COL15A1: variants seen among roughly 807,000 people sequenced by gnomAD.
COL15A1 encodes the protein collagen type XV alpha 1 chain, also known as collagen alpha-1(XV) chain.
A neutral mutation model predicts 165.9 loss-of-function variants in COL15A1; 111 were observed. The ratio of observed to expected loss-of-function variants is 0.67; its 90% CI spans 0.57 to 0.78. COL15A1 has a LOEUF of 0.78. Ranked by LOEUF, COL15A1 falls within the 30% of genes least tolerant of loss-of-function variation. The pLI is 0.00. For missense variants in COL15A1, 1,745 were observed against 1,789.7 expected (o/e 0.98, Z 0.45); for synonymous variants, 659 against 674.8 (o/e 0.98, Z 0.36).
intron 30 of COL15A1, among the ~76,000 whole-genome samples, chr9:99,051,314 G>A (rs145457922): frequency 5.9e-5 from 9 of 152,290 alleles, no homozygotes; most frequent in African/African-American, 2.2e-4. Context: ...GCCTTTGGGG[G>A]TCGTGGGGAT....
At chr9:99,025,778 C>T (rs921128696) in intron 15 of COL15A1, 126 bp from the exon 16 acceptor site, 7 of 948,850 alleles carry the variant, frequency 7.4e-6, no homozygotes, top group Non-Finnish European at 1.2e-5. Context: ...CTGCCTTGCA[C>T]CTGACATGAG....
At chr9:99,068,342 G>C (rs1281906539) in intron 40 of COL15A1, among the ~76,000 whole-genome samples, 1 of 151,956 alleles carries the variant, frequency 6.6e-6, no homozygotes, top group Non-Finnish European at 1.5e-5. Context: ...GTGCATGCCT[G>C]TAATCCCAGC....
chr9:99,045,432 G>A (rs774089522), intron 26 of COL15A1, among the ~76,000 whole-genome samples: 6 of 152,228 alleles, frequency 3.9e-5, no homozygotes, highest in Non-Finnish European at 8.8e-5. Context: ...GACTGAATTA[G>A]TACTAAATGA....
intron 28 of COL15A1, 73 bp downstream of exon 28, chr9:99,048,073 G>C: frequency 1.2e-6 from 1 of 815,352 alleles, no homozygotes; most frequent in Non-Finnish European, 2.1e-6. Flanking sequence ...CCACAGAGCA[G>C]GGCCTGTGGA....
At chr9:99,035,793 G>A (rs1839290704) in intron 19 of COL15A1, among the ~76,000 whole-genome samples, 1 of 151,966 alleles carries the variant, frequency 6.6e-6, no homozygotes, top group South Asian at 2.1e-4. Context: ...CTCCTGGCAG[G>A]TGCCCCTCCC....
intron 14 of COL15A1, among the ~76,000 whole-genome samples, chr9:99,024,269 T>TTTTTTTTG (rs1262024553): frequency 7.5e-6 from 1 of 133,544 alleles, no homozygotes; most frequent in Non-Finnish European, 1.5e-5. Context: ...CCACAAGCAG[T>TTTTTTTTG]TTTTTTTGTT....
chr9:98,987,316 TG>T lies in COL15A1; in HGVS notation c.672del (p.His225ThrfsTer31). On this transcript the variant is annotated frameshift_variant, in exon 4 of 42. Coordinates refer to ENST00000375001, the MANE Select transcript of COL15A1 (RefSeq NM_001855.5). LOFTEE classifies it high-confidence loss of function. ...RFTGSLQQLT[V>X]HPDPRTPEEL... ...CAGGGCTCCCTCCAGCAGCTCACCG[TG>T]CACCCCGACCCCAGGACTCCCGAGG... is the stretch of plus-strand genomic sequence containing the variant. The T allele has an allele frequency of 6.2e-7, 1 of 1,613,638 alleles. No individual in the cohort carries two copies. The highest frequency in any genetic ancestry group is 8.5e-7 in the Non-Finnish European group (1 of 1,179,840).
At chr9:99,040,680 A>G in intron 23 of COL15A1, 124 bp downstream of exon 23, 4 of 1,552,518 alleles carry the variant, frequency 2.6e-6, no homozygotes, top group Non-Finnish European at 3.5e-6. Context: ...TTGTTCATTA[A>G]CTTTTTCTTG....
At chr9:98,992,644 C>T (rs1427527778) in intron 5 of COL15A1, among the ~76,000 whole-genome samples, 1 of 152,270 alleles carries the variant, frequency 6.6e-6, no homozygotes, top group African/African-American at 2.4e-5. Flanking sequence ...GGGCCGCCAG[C>T]ACGTTGTCAA....
Position 99,042,025 on chromosome 9 carries a change from T to G in COL15A1, c.2512-20T>G. 1 of 1,549,050 alleles carries G rather than the reference T, an allele frequency of 6.5e-7. No individual in the cohort carries two copies. The highest frequency in any genetic ancestry group is 8.9e-7 in the Non-Finnish European group (1 of 1,124,466). On this transcript the variant is annotated intron_variant, in intron 23 of 41. Transcript: ENST00000375001. ...TTAATCTTAACGAACAACCAAATAC[T>G]ATATAACAATTCCTTCCAGGGTCCT... is the stretch of plus-strand genomic sequence containing the variant.
At chr9:98,984,283 A>G (rs914912117) in intron 2 of COL15A1, among the ~76,000 whole-genome samples, 2 of 152,162 alleles carry the variant, frequency 1.3e-5, no homozygotes, top group Admixed American at 1.3e-4. Flanking sequence ...ATGTCAACTC[A>G]GAAGTGGGTG....
intron 39 of COL15A1, among the ~76,000 whole-genome samples, chr9:99,065,330 C>A (rs897736224): frequency 6.6e-6 from 1 of 152,218 alleles, no homozygotes; most frequent in South Asian, 2.1e-4. Context: ...TCTGATGTAG[C>A]CCCAAAGCAC....
At position 99,069,669 on chromosome 9, in the gene COL15A1, A is replaced by C. The variant is rs773157179; in HGVS notation, c.3954-4A>C. On this transcript the variant is annotated splice_region_variant and splice_polypyrimidine_tract_variant and intron_variant, in intron 41 of 41. Transcript: ENST00000375001. ...AAAAATAACATGACAAAATTACTTT[A>C]TAGGCCCCAGAAAGTCATTTGGCAT... The C allele has an allele frequency of 6.3e-6, 10 of 1,591,282 alleles. No individual in the cohort carries two copies. The Admixed American group carries it at 8.6e-5, about 14-fold the overall frequency.
intron 27 of COL15A1, 34 bp downstream of exon 27, chr9:99,047,873 G>T (rs747959075): frequency 1.2e-6 from 2 of 1,612,970 alleles, no homozygotes; most frequent in South Asian, 2.2e-5. Flanking sequence ...AGGCTGGAGG[G>T]GGAGGACACG....
In COL15A1 at chr9:99,056,296, C is replaced by T. The variant is rs1286338568; in HGVS notation, c.3229C>T (p.Pro1077Ser). Residue 1077 changes from proline (P) to serine (S), a missense_variant, in exon 35 of 42, where the codon CCC becomes TCC. Physicochemically the swap from Pro to Ser is moderately conservative, Grantham distance 74 (BLOSUM62 -1). Coordinates refer to ENST00000375001, the MANE Select transcript of COL15A1 (RefSeq NM_001855.5). ...GGAGACAGTCGTTGGGCCCCAAGGA[C>T]CCCCAGGTGCTCCTGGTCTGCCTGG... is the stretch of plus-strand genomic sequence containing the variant. ...KGETVVGPQG[P>S]PGAPGLPGPP... 6.2e-7 allele frequency: 1 copy of T among 1,613,962 alleles called. No homozygotes were observed. The highest frequency in any genetic ancestry group is 8.5e-7 in the Non-Finnish European group (1 of 1,179,976).
chr9:98,979,841 CTTAGT>C (rs1455315520), intron 2 of COL15A1, among the ~76,000 whole-genome samples: 2 of 151,970 alleles, frequency 1.3e-5, no homozygotes, highest in Non-Finnish European at 2.9e-5. Flanking sequence ...CTCTATTAAC[CTTAGT>C]TTAGTGTTTT....
chr9:99,052,470 A>T (rs1417144473), intron 31 of COL15A1, 37 bp downstream of exon 31: 1 of 1,522,026 alleles, frequency 6.6e-7, no homozygotes, highest in Non-Finnish European at 9.1e-7. Context: ...TTTCTCTGGG[A>T]CATCTCCTTG....
rs866957969 is a variant in COL15A1 at position 99,031,446 on chromosome 9, G to A, written c.2044-3103G>A. On this transcript the variant is annotated intron_variant, in intron 16 of 41. Transcript: ENST00000375001. ...CTCACCCATGGGAGCAGCCAGTTCC[G>A]TGAGGAAGGTTATCACAACTACCAA... Among the ~76,000 whole-genome samples the A allele has an allele frequency of 5.9e-5, 9 of 152,198 alleles. 1 individual carries two copies. In the South Asian group the frequency reaches 8.3e-4, roughly 14 times the overall value.
chr9:98,996,439 C>T (rs893887154), intron 5 of COL15A1, among the ~76,000 whole-genome samples: 3 of 152,254 alleles, frequency 2.0e-5, no homozygotes, highest in Admixed American at 6.5e-5. Context: ...TTGGTTAAGA[C>T]ACTGACTGGC....
Sources: allele counts gnomAD v4.1 joint callset (sites outside exome capture counted in the v4.1 genomes callset), GRCh38; gene constraint gnomAD v4.1.1; transcripts MANE v1.5; gene names NCBI Gene and HGNC (gene_info 2026-07-23, HGNC 2026-07-21).